Variants in CSMD1 observed in about 807,000 individuals in gnomAD.
CSMD1 encodes the protein CUB and sushi domain-containing protein 1.
In CSMD1, 213 loss-of-function variants were observed where a neutral mutation model predicts 417.5. The ratio of observed to expected loss-of-function variants is 0.51; its 90% CI spans 0.46 to 0.57. CSMD1 has a LOEUF of 0.57. Ranked by LOEUF, CSMD1 falls within the 20% of genes least tolerant of loss-of-function variation. The pLI is 0.00. For missense variants in CSMD1, 6,923 were observed against 4,529.7 expected, an observed-to-expected ratio of 1.53 and a Z score of -15.17; for synonymous variants, 2,862 against 1,736.8, an observed-to-expected ratio of 1.65 and a Z score of -16.11.
intron 5 of CSMD1, among the ~76,000 whole-genome samples, chr8:3,839,019 T>A (rs1340363705): frequency 2.3e-5 from 3 of 128,136 alleles, no homozygotes; most frequent in African/African-American, 8.6e-5. Context: ...TATTTATATG[T>A]TGATATTATA....
At chr8:4,719,245 A>C (rs1006836911) in intron 1 of CSMD1, among the ~76,000 whole-genome samples, 2 of 152,192 alleles carry the variant, frequency 1.3e-5, no homozygotes, top group Non-Finnish European at 2.9e-5. Context: ...TAGATTTTGC[A>C]TTTTGTGCAA....
At chr8:3,198,769 C>T (rs1028792654) in intron 33 of CSMD1, among the ~76,000 whole-genome samples, 9 of 152,102 alleles carry the variant, frequency 5.9e-5, no homozygotes, top group East Asian at 3.9e-4. Flanking sequence ...TTAAAAAATA[C>T]GTAATAGTAT....
At chr8:4,321,343 T>C (rs1186845284) in intron 3 of CSMD1, among the ~76,000 whole-genome samples, 1 of 152,044 alleles carries the variant, frequency 6.6e-6, no homozygotes, top group Non-Finnish European at 1.5e-5. Context: ...ACGTCTTCTC[T>C]CCTCTCCCGC....
chr8:4,385,245 A>G (rs563720465), intron 3 of CSMD1, among the ~76,000 whole-genome samples: 1 of 152,184 alleles, frequency 6.6e-6, no homozygotes. Context: ...AAAAGTTCTT[A>G]AATAGGTGTT....
intron 10 of CSMD1, among the ~76,000 whole-genome samples, chr8:3,509,432 G>C (rs1053952443): frequency 6.6e-5 from 10 of 152,110 alleles, no homozygotes; most frequent in Admixed American, 5.9e-4. Flanking sequence ...CAATGTTTTG[G>C]TGATTCTGCC....
chr8:3,878,659 G>T (rs781769762), intron 5 of CSMD1, among the ~76,000 whole-genome samples: 2 of 152,114 alleles, frequency 1.3e-5, no homozygotes, highest in Non-Finnish European at 2.9e-5. Context: ...ACCCAAATAA[G>T]TAGTTTCATA....
Position 2,998,182 on chromosome 8 carries a change from T to A in CSMD1, c.8206A>T (p.Ile2736Phe), listed in dbSNP as rs756645839. The A allele has an allele frequency of 5.0e-6, 8 of 1,613,870 alleles. No homozygotes were observed. Among genetic ancestry groups the A allele is most frequent in the Non-Finnish European group, 5.9e-6 (7 of 1,179,788 alleles). ...WSGQTPVCVP[I>F]TCGHPGNPAH... ...GGGTTTCCAGGGTGACCACATGTGATGGCTGTAGAGAGACAGGTCAACGTC... is the reference window on the plus strand; with the variant it reads ...GGGTTTCCAGGGTGACCACATGTGAAGGCTGTAGAGAGACAGGTCAACGTC... Residue 2736 changes from isoleucine (I) to phenylalanine (F), a missense_variant and splice_region_variant, in exon 54 of 70, where the codon ATC (isoleucine) becomes TTC (phenylalanine). Ile to Phe is a conservative substitution (Grantham distance 21). Transcript: ENST00000635120.
chr8:4,423,045 T>C (rs1416240481), intron 2 of CSMD1, among the ~76,000 whole-genome samples: 1 of 151,850 alleles, frequency 6.6e-6, no homozygotes, highest in South Asian at 2.1e-4. Context: ...ACAAAGAATA[T>C]CTCTACAAAA....
chr8:4,266,867 A>G (rs1365976850), intron 3 of CSMD1, among the ~76,000 whole-genome samples: 1 of 104,988 alleles, frequency 9.5e-6, no homozygotes, highest in African/African-American at 2.6e-5. Context: ...ATTTGAAAAC[A>G]TATTAATTCA....
chr8:4,691,079 G>C (rs1171013198), intron 1 of CSMD1, among the ~76,000 whole-genome samples: 1 of 152,070 alleles, frequency 6.6e-6, no homozygotes. Context: ...ATGGTACCTG[G>C]GTATTTTTAA....
At chr8:3,624,542 G>C (rs539215217) in intron 7 of CSMD1, among the ~76,000 whole-genome samples, 174 of 152,280 alleles carry the variant, frequency 1.1e-3, no homozygotes, top group African/African-American at 3.9e-3. Context: ...ATGTATTTCA[G>C]TTGGATCAGT....
chr8:4,269,769 A>T (rs907630779), intron 3 of CSMD1, among the ~76,000 whole-genome samples: 1 of 152,210 alleles, frequency 6.6e-6, no homozygotes, highest in Non-Finnish European at 1.5e-5. Context: ...ACATCTTCAT[A>T]AAAAAGCATG....
At chr8:3,056,597 T>G (rs1411736465) in intron 49 of CSMD1, among the ~76,000 whole-genome samples, 3 of 152,134 alleles carry the variant, frequency 2.0e-5, no homozygotes, top group Admixed American at 2.0e-4. Flanking sequence ...CTTGAACTCC[T>G]GGGCTCAAGC....
intron 3 of CSMD1, among the ~76,000 whole-genome samples, chr8:4,187,499 G>A (rs963125735): frequency 6.6e-6 from 1 of 151,970 alleles, no homozygotes; most frequent in African/African-American, 2.4e-5. Context: ...CAAAAAATCA[G>A]CCTGGGTGGT....
intron 1 of CSMD1, among the ~76,000 whole-genome samples, chr8:4,719,150 T>C (rs913395401): frequency 5.9e-5 from 9 of 152,020 alleles, no homozygotes; most frequent in African/African-American, 2.2e-4. Flanking sequence ...AATGATGGCC[T>C]GGAGAAAGGC....
At chr8:4,990,507 G>C (rs1447280176) in intron 1 of CSMD1, among the ~76,000 whole-genome samples, 1 of 152,150 alleles carries the variant, frequency 6.6e-6, no homozygotes, top group Non-Finnish European at 1.5e-5. Flanking sequence ...GGGATTACAG[G>C]CATGCGCCAC....
chr8:4,366,812 C>G (rs1288793954), intron 3 of CSMD1, among the ~76,000 whole-genome samples: 3 of 152,056 alleles, frequency 2.0e-5, no homozygotes, highest in Non-Finnish European at 4.4e-5. Context: ...CACCCATTAA[C>G]TCGTCATTTG....
intron 5 of CSMD1, among the ~76,000 whole-genome samples, chr8:3,777,152 ACACACACAT>A (rs1475754365): frequency 1.1e-4 from 16 of 149,326 alleles, no homozygotes; most frequent in Middle Eastern, 3.2e-3. Flanking sequence ...ACACACACAC[ACACACACAT>A]CATATATATA....
At chr8:4,778,247 G>C (rs1452182632) in intron 1 of CSMD1, among the ~76,000 whole-genome samples, 1 of 151,986 alleles carries the variant, frequency 6.6e-6, no homozygotes, top group East Asian at 1.9e-4. Context: ...ATCTATATCA[G>C]ACATCAGCAA....
Sources: allele counts gnomAD v4.1 joint callset (sites outside exome capture counted in the v4.1 genomes callset), GRCh38; gene constraint gnomAD v4.1.1; transcripts MANE v1.5; gene names NCBI Gene and HGNC (gene_info 2026-07-23, HGNC 2026-07-21).